The following SLC16A2 variants were observed in gnomAD, a reference collection of about 807,000 sequenced individuals.
SLC16A2 encodes the protein solute carrier family 16 member 2.
SLC16A2 carries 3 observed loss-of-function variants against 27.2 expected under a neutral mutation model. That is an observed-to-expected ratio of 0.11 (90% CI 0.05 to 0.28). The LOEUF is 0.28. SLC16A2 is among the 10% of genes least tolerant of loss of function. SLC16A2 has a pLI of 1.00. For missense variants in SLC16A2, 295 were observed against 458.5 expected (o/e 0.64, Z 3.26); for synonymous variants, 202 against 187.8 (o/e 1.08, Z -0.62).
At chrX:74,452,572 G>A (rs919976626) in intron 1 of SLC16A2, among the ~76,000 whole-genome samples, 1 of 111,289 alleles carries the variant, frequency 9.0e-6, no homozygotes, top group East Asian at 2.8e-4. Flanking sequence ...TTTGCTTGAG[G>A]TATATATAAA....
intron 1 of SLC16A2, among the ~76,000 whole-genome samples, chrX:74,479,871 G>A (rs1417234187): frequency 3.6e-5 from 4 of 111,768 alleles, no homozygotes; most frequent in Admixed American, 1.9e-4. Context: ...GTACCCAGCC[G>A]TGTGAGTTGT....
At chrX:74,519,158 C>A (rs969391970) in intron 1 of SLC16A2, among the ~76,000 whole-genome samples, 2 of 109,612 alleles carry the variant, frequency 1.8e-5, no homozygotes, top group African/African-American at 6.6e-5. Flanking sequence ...AAGTTCTCTT[C>A]TTATACATAT....
intron 4 of SLC16A2, among the ~76,000 whole-genome samples, chrX:74,528,760 C>T (rs1930521590): frequency 8.9e-6 from 1 of 112,087 alleles, no homozygotes; most frequent in African/African-American, 3.2e-5. Context: ...CACTTACAAC[C>T]CCATCTGATC....
chrX:74,522,119 G>A (rs1461601324), intron 2 of SLC16A2, among the ~76,000 whole-genome samples: 5 of 111,856 alleles, frequency 4.5e-5, no homozygotes. Context: ...TGGAAACACA[G>A]AAATGAGAAA....
At chrX:74,454,898 T>G (rs1929014850) in intron 1 of SLC16A2, among the ~76,000 whole-genome samples, 1 of 111,599 alleles carries the variant, frequency 9.0e-6, no homozygotes, top group African/African-American at 3.3e-5. Flanking sequence ...TTCAACTGTA[T>G]TTCTTGTGTA....
intron 1 of SLC16A2, among the ~76,000 whole-genome samples, chrX:74,507,351 C>G: frequency 9.0e-6 from 1 of 111,225 alleles, no homozygotes; most frequent in African/African-American, 3.3e-5. Flanking sequence ...TATAATTTGA[C>G]GCATTTTTAC....
chrX:74,454,282 G>A (rs1036563690), intron 1 of SLC16A2, among the ~76,000 whole-genome samples: 19 of 110,861 alleles, frequency 1.7e-4, no homozygotes, highest in African/African-American at 6.2e-4. Context: ...GCACACGTAT[G>A]TTTATTGTGG....
Position 74,422,193 on chromosome X carries a change from C to T in SLC16A2, c.430+126C>T, listed in dbSNP as rs373624737. The T allele has an allele frequency of 2.1e-4, 147 of 705,193 alleles. 1 individual carries two copies. The African/African-American group carries it at 2.7e-3, about 13-fold the overall frequency. The allele number at this position is 705,193 out of a possible 1,213,427, so 58.1% of individuals were successfully genotyped here. A position where few individuals can be genotyped will look rare whatever the true frequency, so the allele number is the denominator to read the frequency against. On this transcript the variant is annotated intron_variant, in intron 1 of 5. Coordinates refer to ENST00000587091, the MANE Select transcript of SLC16A2 (RefSeq NM_006517.5). Reference sequence around the variant, plus strand: ...GCCTCTCCGACTCCTCCCCTTACCCCTTACCCCTTGCCCCTTGCCCCTTTC... The same window carrying T: ...GCCTCTCCGACTCCTCCCCTTACCCTTTACCCCTTGCCCCTTGCCCCTTTC...
chrX:74,430,738 G>T (rs1293605860), intron 1 of SLC16A2, among the ~76,000 whole-genome samples: 2 of 112,102 alleles, frequency 1.8e-5, no homozygotes, highest in Non-Finnish European at 3.8e-5. Flanking sequence ...GAAACAGTTT[G>T]GAGTTTGTTG....
At chrX:74,504,900 A>G (rs1458123927) in intron 1 of SLC16A2, among the ~76,000 whole-genome samples, 3 of 111,706 alleles carry the variant, frequency 2.7e-5, no homozygotes, top group African/African-American at 9.8e-5. Flanking sequence ...TGAGGTGAGA[A>G]GATCACTTGA....
chrX:74,423,385 A>G (rs1928348447), intron 1 of SLC16A2, among the ~76,000 whole-genome samples: 1 of 112,041 alleles, frequency 8.9e-6, no homozygotes, highest in Non-Finnish European at 1.9e-5. Flanking sequence ...TATTAAGTGA[A>G]CATAGAAACC....
chrX:74,497,848 G>T (rs1364039126), intron 1 of SLC16A2, among the ~76,000 whole-genome samples: 3 of 106,521 alleles, frequency 2.8e-5, no homozygotes, highest in Non-Finnish European at 3.9e-5. Flanking sequence ...GTATGGGGGT[G>T]GGGGGGATGA....
intron 1 of SLC16A2, among the ~76,000 whole-genome samples, chrX:74,503,998 T>C (rs1009050271): frequency 8.9e-6 from 1 of 112,471 alleles, no homozygotes; most frequent in Non-Finnish European, 1.9e-5. Flanking sequence ...GTCTGTCACA[T>C]AGTAAGTGCT....
At chrX:74,481,682 T>C (rs1208830231) in intron 1 of SLC16A2, among the ~76,000 whole-genome samples, 4 of 108,426 alleles carry the variant, frequency 3.7e-5, no homozygotes, top group Non-Finnish European at 7.6e-5. Context: ...TTTTCTCCTT[T>C]GTTTTTTACT....
At chrX:74,513,168 C>T (rs1930261815) in intron 1 of SLC16A2, among the ~76,000 whole-genome samples, 1 of 112,257 alleles carries the variant, frequency 8.9e-6, no homozygotes. Context: ...GAATCAGATA[C>T]TTGCTCAGCA....
chrX:74,438,277 C>T, intron 1 of SLC16A2, among the ~76,000 whole-genome samples: 1 of 112,644 alleles, frequency 8.9e-6, no homozygotes, highest in Non-Finnish European at 1.9e-5. Flanking sequence ...GCATCATAAT[C>T]CCTACCTCAC....
At chrX:74,490,098 A>G (rs1213248175) in intron 1 of SLC16A2, among the ~76,000 whole-genome samples, 1 of 109,773 alleles carries the variant, frequency 9.1e-6, no homozygotes, top group Non-Finnish European at 1.9e-5. Flanking sequence ...GTTAGATCCA[A>G]GTAGTGGTTG....
intron 1 of SLC16A2, among the ~76,000 whole-genome samples, chrX:74,486,958 C>T (rs756892995): frequency 8.9e-6 from 1 of 111,822 alleles, no homozygotes; most frequent in South Asian, 3.7e-4. Context: ...AGCTGGAAAC[C>T]ATCATTCTGA....
intron 1 of SLC16A2, among the ~76,000 whole-genome samples, chrX:74,454,214 A>C (rs188924321): frequency 4.5e-5 from 5 of 111,637 alleles, no homozygotes; most frequent in East Asian, 5.7e-4. Context: ...TGACCCCACC[A>C]TCCCATTACT....
Sources: allele counts gnomAD v4.1 joint callset (sites outside exome capture counted in the v4.1 genomes callset), GRCh38; gene constraint gnomAD v4.1.1; transcripts MANE v1.5; gene names NCBI Gene and HGNC (gene_info 2026-07-23, HGNC 2026-07-21).